Variants in TTLL3 observed in about 807,000 individuals in gnomAD.
TTLL3 encodes the protein tubulin tyrosine ligase like 3, also known as tubulin monoglycylase TTLL3.
A neutral mutation model predicts 75.2 loss-of-function variants in TTLL3; 63 were observed. That is an observed-to-expected ratio of 0.84 (90% CI 0.68 to 1.03). The LOEUF is 1.03. Ranked by LOEUF, TTLL3 falls within the 50% of genes least tolerant of loss-of-function variation. TTLL3 has a pLI of 0.00. For synonymous variants in TTLL3, 393 were observed against 418.5 expected, an observed-to-expected ratio of 0.94 and a Z score of 0.74; for missense variants, 997 against 1,069.9, an observed-to-expected ratio of 0.93 and a Z score of 0.95.
At chr3:9,809,998 G>T (rs1575343318), upstream of TTLL3, 2 of 302,902 alleles carry the variant, frequency 6.6e-6, no homozygotes, top group Non-Finnish European at 8.4e-6. Context: ...CGAGCGCGGC[G>T]AGGGGCGCAT....
At position 9,813,291 on chromosome 3, in the gene TTLL3, C is replaced by G. The variant is rs542749408; in HGVS notation, c.261C>G (p.Phe87Leu). The G allele has an allele frequency of 6.2e-7, 1 of 1,614,224 alleles. No individual in the cohort carries two copies. The highest frequency in any genetic ancestry group is 1.1e-5 in the South Asian group (1 of 91,074). ...EDEEFQPSQL[F>L]DFDDLLKFDD... ...AGGAGTTCCAGCCATCACAGCTGTT[C>G]GACTTCGATGATTTACTGAAATTTG... The change falls in exon 4 of 14, where the codon TTC becomes TTG. Residue 87 changes from phenylalanine (F) to leucine (L), a missense_variant. Physicochemically the swap from Phe to Leu is conservative, Grantham distance 22. Transcript: ENST00000685419.
chr3:9,820,521 G>A lies in TTLL3; in HGVS notation c.659-25G>A, dbSNP rs200046091. The A allele has an allele frequency of 1.8e-4, 297 of 1,612,252 alleles. 3 individuals carry two copies. Among genetic ancestry groups the A allele is most frequent in the Middle Eastern group, 3.3e-4 (2 of 6,064 alleles). On this transcript the variant is annotated intron_variant, in intron 7 of 13. Coordinates refer to ENST00000685419, the MANE Select transcript of TTLL3 (RefSeq NM_001387446.1). The stretch of plus-strand genomic sequence containing the variant: ...AGGTTACCTGCCTTGATATGGGATC[G>A]TGACAGGCCCCTCCCTATGTGCAGG...
rs17050596 is a variant in TTLL3, at chr3:9,835,003, G to A, written c.2053-91G>A. ...CAGAGGGCAGCTCCCAGGCTGGCTG[G>A]CACCCCAAGGGAAGAGCTGGTCTCC... On this transcript the variant is annotated intron_variant, in intron 13 of 13. Transcript: ENST00000685419. 3.8e-3 allele frequency: 6,105 copies of A among 1,601,172 alleles called. 159 individuals carry two copies. In the African/African-American group the frequency reaches 0.069, roughly 18 times the overall value.
chr3:9,810,578 C>A lies in TTLL3; in HGVS notation c.-41-43C>A, dbSNP rs2079256799. ...AAGATCCTAGGCCGAGACCCTAGGCCCAGCCTCAGTGTACCCCGCCCCTAT... is the reference window on the plus strand; with the variant it reads ...AAGATCCTAGGCCGAGACCCTAGGCACAGCCTCAGTGTACCCCGCCCCTAT... On this transcript the variant is annotated intron_variant, in intron 1 of 13. Transcript: ENST00000685419. This position sits in a 1 kb window ranked among gnomAD's most constrained non-coding sequence, Gnocchi z 4.4. 1.1e-5 allele frequency: 17 copies of A among 1,543,702 alleles called. No homozygotes were observed. Among genetic ancestry groups the A allele is most frequent in the Non-Finnish European group, 1.5e-5 (17 of 1,143,194 alleles).
Position 9,835,719 on chromosome 3 carries a change from A to C in TTLL3, c.*230A>C. 3.9e-6 allele frequency: 2 copies of C among 506,544 alleles called. No individual in the cohort carries two copies. Among genetic ancestry groups the C allele is most frequent in the Non-Finnish European group, 6.9e-6 (2 of 290,874 alleles). The allele number at this position is 506,544 out of a possible 1,614,324, so 31.4% of individuals were successfully genotyped here. On this transcript the variant is annotated 3_prime_UTR_variant, in exon 14 of 14. Coordinates refer to ENST00000685419, the MANE Select transcript of TTLL3 (RefSeq NM_001387446.1). ...ATTGCCAGAACTGCCGAGCACTGGG[A>C]GCCCCCCAACCCCAGAGAACAAGCC...
chr3:9,819,829 G>A, intron 7 of TTLL3: 2 of 985,444 alleles, frequency 2.0e-6, no homozygotes, highest in Non-Finnish European at 2.4e-6. Flanking sequence ...GGAAGGCTTG[G>A]TTGTGTGCCA....
rs2081987556 is a variant in TTLL3, at chr3:9,835,756, A to AT, written c.*268dup. 2.2e-6 allele frequency: 1 copy of AT among 451,256 alleles called. No homozygotes were observed. 28.0% of individuals were successfully genotyped at this position (451,256 alleles called of 1,614,324 possible). A position where few individuals can be genotyped will look rare whatever the true frequency, so the allele number is the denominator to read the frequency against. Reference sequence around the variant, plus strand: ...CCAGAGAACAAGCCAAGCTAGCAGAATGACACCTACCGGGCATAGGAACGT... The same window carrying AT: ...CCAGAGAACAAGCCAAGCTAGCAGAATTGACACCTACCGGGCATAGGAACGT... On this transcript the variant is annotated 3_prime_UTR_variant, in exon 14 of 14. Coordinates refer to ENST00000685419, the MANE Select transcript of TTLL3 (RefSeq NM_001387446.1).
At chr3:9,813,882 C>G (rs559687864) in intron 4 of TTLL3, among the ~76,000 whole-genome samples, 3 of 152,102 alleles carry the variant, frequency 2.0e-5, no homozygotes, top group Non-Finnish European at 4.4e-5. Flanking sequence ...CAGAGCTCTG[C>G]TAGGTCATAC....
At chr3:9,824,379 T>C (rs980994849) in intron 8 of TTLL3, among the ~76,000 whole-genome samples, 4 of 152,212 alleles carry the variant, frequency 2.6e-5, no homozygotes, top group Admixed American at 2.6e-4. Flanking sequence ...TGTATGGCCT[T>C]CGGTAAGTCC....
rs1246996264 is a variant in TTLL3, at chr3:9,810,808, G to GA, written c.48+105dup. ...ATATCCTTAAAAAACAAAAGCAAAA[G>GA]AAAAAACAATAGCAAAAATCCTCAA... On this transcript the variant is annotated intron_variant, in intron 2 of 13. Transcript: ENST00000685419. The surrounding 1 kb of genome is among the most constrained non-coding windows in gnomAD (Gnocchi z 4.4). 4 of 1,174,484 alleles carry GA rather than the reference G, an allele frequency of 3.4e-6. No individual in the cohort carries two copies. In the Admixed American group the frequency reaches 8.9e-5, roughly 26 times the overall value. The allele number at this position is 1,174,484 out of a possible 1,614,324, so 72.8% of individuals were successfully genotyped here. A position where few individuals can be genotyped will look rare whatever the true frequency, so the allele number is the denominator to read the frequency against.
Position 9,810,682 on chromosome 3 carries a change from C to CA in TTLL3, c.25dup (p.Ile9AsnfsTer53). On this transcript the variant is annotated frameshift_variant, in exon 2 of 14. Coordinates refer to ENST00000685419, the MANE Select transcript of TTLL3 (RefSeq NM_001387446.1). LOFTEE classifies it high-confidence loss of function. The surrounding 1 kb of genome is among the most constrained non-coding windows in gnomAD (Gnocchi z 4.4). ...CTCACATGAACCGGCTCAGAAACGC[C>CA]AAAATCTACGTGGAGAGAGCTGTCA... 1 of 1,587,718 alleles carries CA rather than the reference C, an allele frequency of 6.3e-7. No individual in the cohort carries two copies. Among genetic ancestry groups the CA allele is most frequent in the Non-Finnish European group, 8.6e-7 (1 of 1,167,628 alleles).
intron 8 of TTLL3, 61 bp from the exon 9 acceptor site, chr3:9,825,739 T>A (rs2080976156): frequency 6.2e-7 from 1 of 1,613,586 alleles, no homozygotes; most frequent in Non-Finnish European, 8.5e-7. Context: ...TATCTCCCCC[T>A]GCCCTCTCCA....
rs771961296 is a variant in TTLL3, at chr3:9,820,582, T to G, written c.695T>G (p.Val232Gly). 1 of 1,613,882 alleles carries G rather than the reference T, an allele frequency of 6.2e-7. No homozygotes were observed. Among genetic ancestry groups the G allele is most frequent in the Non-Finnish European group, 8.5e-7 (1 of 1,179,952 alleles). ...CCCAAGAAACAGGAGAAAAACCCAG[T>G]GTTGGTGTCCCCAGAGTTTGTGGAT... The part of the protein sequence containing the change: ...KQPKKQEKNP[V>G]LVSPEFVDEA... The change falls in exon 8 of 14, where the codon GTG becomes GGG. Residue 232 changes from valine (V) to glycine (G), a missense_variant. Val to Gly is a moderately radical substitution (Grantham distance 109). Coordinates refer to ENST00000685419, the MANE Select transcript of TTLL3 (RefSeq NM_001387446.1).
chr3:9,825,903 C>G lies in TTLL3; in HGVS notation c.958C>G (p.Arg320Gly). 1 of 1,614,164 alleles carries G rather than the reference C, an allele frequency of 6.2e-7. No homozygotes were observed. The highest frequency in any genetic ancestry group is 8.5e-7 in the Non-Finnish European group (1 of 1,180,016). The change falls in exon 9 of 14, where the codon CGC becomes GGC. Residue 320 changes from arginine (R) to glycine (G), a missense_variant. Physicochemically the swap from Arg to Gly is moderately radical, Grantham distance 125. Coordinates refer to ENST00000685419, the MANE Select transcript of TTLL3 (RefSeq NM_001387446.1). Reference sequence around the variant, plus strand: ...ACCCCAGATAGACATGGAAGGGGATCGCAACATCTGGATCGTGAAGCCAGG... The same window carrying G: ...ACCCCAGATAGACATGGAAGGGGATGGCAACATCTGGATCGTGAAGCCAGG... ...VVPQIDMEGDRNIWIVKPGAK... is the reference protein window; with the variant it reads ...VVPQIDMEGDGNIWIVKPGAK...
chr3:9,810,181 C>T, upstream of TTLL3: 1 of 1,470,388 alleles, frequency 6.8e-7, no homozygotes, highest in Non-Finnish European at 8.9e-7. The surrounding 1 kb of genome is among the most constrained non-coding windows in gnomAD (Gnocchi z 4.4). Context: ...CGAGTTCCGT[C>T]CACCCAGGAG....
chr3:9,812,253 C>T (rs567441170), intron 2 of TTLL3, among the ~76,000 whole-genome samples: 13 of 152,174 alleles, frequency 8.5e-5, no homozygotes, highest in Admixed American at 2.6e-4. Flanking sequence ...AGGTGGCTGA[C>T]GCCTGTAATT....
intron 11 of TTLL3, among the ~76,000 whole-genome samples, chr3:9,830,323 G>T (rs770468943): frequency 6.6e-6 from 1 of 152,006 alleles, no homozygotes; most frequent in Non-Finnish European, 1.5e-5. Context: ...TATTTCACTC[G>T]TCTTGCTCCA....
intron 10 of TTLL3, 120 bp from the exon 11 acceptor site, chr3:9,828,840 C>A: frequency 1.6e-6 from 2 of 1,285,218 alleles, no homozygotes; most frequent in Non-Finnish European, 1.1e-6. Flanking sequence ...AGTAGGGCCC[C>A]ATCTCAAGTT....
At chr3:9,811,637 C>T (rs992673471) in intron 2 of TTLL3, among the ~76,000 whole-genome samples, 1 of 152,228 alleles carries the variant, frequency 6.6e-6, no homozygotes, top group South Asian at 2.1e-4. Context: ...GAAAGATTCC[C>T]TCAGTTAGCC....
Sources: gnomAD v4.1 joint callset for allele counts (sites outside exome capture counted in the v4.1 genomes callset) on GRCh38, gnomAD v4.1.1 for gene constraint, Gnocchi (gnomAD v3.1) non-coding constraint, MANE v1.5 for transcripts, NCBI Gene and HGNC (gene_info 2026-07-23, HGNC 2026-07-21) for gene names.